CDH18: variants seen among roughly 807,000 people sequenced by gnomAD.
The protein encoded by CDH18 is cadherin 18.
A neutral mutation model predicts 67.9 loss-of-function variants in CDH18; 31 were observed. That is an observed-to-expected ratio of 0.46 (90% CI 0.34 to 0.62). The LOEUF is 0.62. Ranked by LOEUF, CDH18 falls within the 20% of genes least tolerant of loss-of-function variation. CDH18 has a pLI of 0.01. For synonymous variants in CDH18, 362 were observed against 347.2 expected, an observed-to-expected ratio of 1.04 and a Z score of -0.48; for missense variants, 890 against 975.5, an observed-to-expected ratio of 0.91 and a Z score of 1.17.
intron 2 of CDH18, among the ~76,000 whole-genome samples, chr5:20,034,848 G>GAC (rs1422753277): frequency 1.3e-5 from 2 of 151,942 alleles, no homozygotes; most frequent in Non-Finnish European, 2.9e-5. Flanking sequence ...TAGATATAGA[G>GAC]ACACACACAT....
At chr5:20,320,989 C>T (rs1275288793) in intron 1 of CDH18, among the ~76,000 whole-genome samples, 2 of 152,142 alleles carry the variant, frequency 1.3e-5, no homozygotes, top group Admixed American at 1.3e-4. Flanking sequence ...TGAAAACTCA[C>T]TCCTTCCTGT....
At chr5:19,521,803 A>G (rs1030602289) in intron 9 of CDH18, among the ~76,000 whole-genome samples, 9 of 152,138 alleles carry the variant, frequency 5.9e-5, no homozygotes, top group Admixed American at 3.3e-4. Flanking sequence ...CAAAGAGAGA[A>G]AAAAATTTGT....
chr5:19,566,084 A>G (rs1740339317), intron 8 of CDH18, among the ~76,000 whole-genome samples: 1 of 152,232 alleles, frequency 6.6e-6, no homozygotes, highest in African/African-American at 2.4e-5. Context: ...ACATTTCTCA[A>G]AAGATGACAT....
chr5:20,369,659 A>G (rs1742819986), intron 1 of CDH18, among the ~76,000 whole-genome samples: 1 of 152,212 alleles, frequency 6.6e-6, no homozygotes, highest in Non-Finnish European at 1.5e-5. Flanking sequence ...TCTGTTTTGA[A>G]AATATCATGT....
intron 2 of CDH18, among the ~76,000 whole-genome samples, chr5:19,963,645 G>A (rs1043902633): frequency 6.6e-6 from 1 of 152,008 alleles, no homozygotes; most frequent in Non-Finnish European, 1.5e-5. Context: ...ATGATTATAA[G>A]TTTCCTGAGG....
At chr5:20,238,833 A>G (rs2126535923) in intron 2 of CDH18, among the ~76,000 whole-genome samples, 1 of 152,316 alleles carries the variant, frequency 6.6e-6, no homozygotes, top group Middle Eastern at 3.4e-3. Flanking sequence ...CTATGCTGTG[A>G]TTAAACATAT....
intron 1 of CDH18, among the ~76,000 whole-genome samples, chr5:20,299,304 T>C (rs1747770332): frequency 6.6e-6 from 1 of 151,896 alleles, no homozygotes; most frequent in Non-Finnish European, 1.5e-5. Flanking sequence ...GTCATCAAAA[T>C]AGAAATGTCA....
intron 4 of CDH18, among the ~76,000 whole-genome samples, chr5:19,740,174 T>C (rs1224658459): frequency 6.6e-6 from 1 of 152,192 alleles, no homozygotes; most frequent in East Asian, 1.9e-4. Flanking sequence ...CATTAAAAAG[T>C]ACTATTTCTA....
chr5:19,942,376 G>A (rs1292502461), intron 2 of CDH18, among the ~76,000 whole-genome samples: 1 of 152,164 alleles, frequency 6.6e-6, no homozygotes, highest in East Asian at 1.9e-4. Context: ...GCTGTGAATT[G>A]CTGACGGCTG....
At chr5:19,633,870 G>A (rs1023467982) in intron 5 of CDH18, among the ~76,000 whole-genome samples, 4 of 152,216 alleles carry the variant, frequency 2.6e-5, no homozygotes, top group Admixed American at 2.0e-4. Flanking sequence ...GAGCTCAAGG[G>A]ATCCACCCCT....
chr5:19,773,049 T>A (rs1291924211), intron 3 of CDH18, among the ~76,000 whole-genome samples: 1 of 152,184 alleles, frequency 6.6e-6, no homozygotes, highest in Admixed American at 6.5e-5. Flanking sequence ...TCATAATGTT[T>A]CTGATATAAT....
chr5:20,448,437 CTT>C (rs1369668874), intron 1 of CDH18, among the ~76,000 whole-genome samples: 1 of 151,948 alleles, frequency 6.6e-6, no homozygotes, highest in Non-Finnish European at 1.5e-5. Flanking sequence ...CTTGAATAAA[CTT>C]TATTTTTTCT....
Position 20,492,911 on chromosome 5 carries a change from G to A in CDH18, c.-580+82551C>T, listed in dbSNP as rs527576251. 9.2e-5 allele frequency among the ~76,000 whole-genome samples: 14 copies of A among 152,206 alleles called. 1 individual carries two copies. The South Asian group carries it at 2.5e-3, about 27-fold the overall frequency. On this transcript the variant is annotated intron_variant, in intron 1 of 14. Coordinates refer to the CDH18 transcript ENST00000507958. ...AGAAGACTAAACCTGGAAAAGAATA[G>A]ATATTTAATGACAGTCCCTAAGAAG...
intron 3 of CDH18, among the ~76,000 whole-genome samples, chr5:19,838,268 A>G (rs1468340697): frequency 6.6e-6 from 1 of 152,140 alleles, no homozygotes; most frequent in Non-Finnish European, 1.5e-5. Flanking sequence ...AATAGAGAAT[A>G]TTAGATATTT....
At chr5:20,557,261 A>T (rs1651454) in intron 1 of CDH18, among the ~76,000 whole-genome samples, 105,060 of 151,760 alleles carry the variant, frequency 0.69, 36,735 homozygotes, top group East Asian at 0.98. Flanking sequence ...GAAACAATGC[A>T]AGTTCAACCA....
chr5:20,310,474 A>G (rs941288251), intron 1 of CDH18, among the ~76,000 whole-genome samples: 7 of 152,224 alleles, frequency 4.6e-5, no homozygotes, highest in African/African-American at 1.7e-4. Flanking sequence ...GATTAAGAAC[A>G]GACCAGAATT....
At chr5:20,295,933 G>A (rs1399383605) in intron 1 of CDH18, among the ~76,000 whole-genome samples, 4 of 140,152 alleles carry the variant, frequency 2.9e-5, no homozygotes, top group Admixed American at 7.5e-5. Flanking sequence ...GTGCAGTGGC[G>A]CAATCTCGGC....
At chr5:20,050,734 T>C (rs767670226) in intron 2 of CDH18, among the ~76,000 whole-genome samples, 3 of 151,852 alleles carry the variant, frequency 2.0e-5, no homozygotes, top group Non-Finnish European at 2.9e-5. Context: ...AAAATGTCAG[T>C]CAAGTAGAAT....
chr5:19,639,001 T>G (rs6893123), intron 5 of CDH18, among the ~76,000 whole-genome samples: 1,462 of 87,906 alleles, frequency 0.017, 26 homozygotes, highest in South Asian at 0.047. Context: ...TTTTTTTTTT[T>G]TTTGTTTGTT....
Sources: gnomAD v4.1 joint callset for allele counts (sites outside exome capture counted in the v4.1 genomes callset) on GRCh38, gnomAD v4.1.1 for gene constraint, MANE v1.5 for transcripts, NCBI Gene and HGNC (gene_info 2026-07-23, HGNC 2026-07-21) for gene names.